Variants in ATP9B observed in about 807,000 individuals in gnomAD.
ATP9B encodes probable phospholipid-transporting ATPase IIB.
ATP9B carries 110 observed loss-of-function variants against 146.1 expected under a neutral mutation model. The observed-to-expected ratio is 0.75, with a 90% CI of 0.65 to 0.88. ATP9B has a LOEUF of 0.88. Among genes scored for constraint, ATP9B ranks in the 40% least tolerant of loss-of-function variants. ATP9B has a pLI of 0.00. For synonymous variants in ATP9B, 604 were observed against 569.7 expected (o/e 1.06, Z -0.86); for missense variants, 1,499 against 1,496.4 (o/e 1.00, Z -0.03).
intron 1 of ATP9B, among the ~76,000 whole-genome samples, chr18:79,095,230 C>T (rs1311953741): frequency 6.6e-6 from 1 of 152,160 alleles, no homozygotes; most frequent in Non-Finnish European, 1.5e-5. Context: ...ATCCTTCTTC[C>T]CATGTGGACT....
chr18:79,148,149 A>G (rs2094622228), intron 6 of ATP9B, among the ~76,000 whole-genome samples: 1 of 152,200 alleles, frequency 6.6e-6, no homozygotes, highest in African/African-American at 2.4e-5. Flanking sequence ...CCTGTAGCCA[A>G]TAAAGAAGCT....
At chr18:79,176,716 A>G in intron 7 of ATP9B, 97 bp from the exon 8 acceptor site, 7 of 942,116 alleles carry the variant, frequency 7.4e-6, no homozygotes, top group South Asian at 4.2e-5. Flanking sequence ...TCTTTGTCCT[A>G]CTGTGCCCTG....
Position 79,298,358 on chromosome 18 carries a change from T to G in ATP9B, c.1412-5246T>G, listed in dbSNP as rs568441779. ...CTGAGATGAAAAGTACGGTGCCGTT[T>G]ATAATTCCTTGAAAAAAGCGCGGTA... On this transcript the variant is annotated intron_variant, in intron 13 of 29. Transcript: ENST00000426216. Among the ~76,000 whole-genome samples, 114 of 146,398 alleles carry G rather than the reference T, an allele frequency of 7.8e-4. 15 individuals are homozygous for G. Among genetic ancestry groups the G allele is most frequent in the African/African-American group, 2.5e-3 (101 of 39,886 alleles).
intron 13 of ATP9B, 84 bp from the exon 14 acceptor site, chr18:79,303,520 G>A (rs1231885930): frequency 9.5e-6 from 10 of 1,058,156 alleles, no homozygotes; most frequent in Non-Finnish European, 1.4e-5. Flanking sequence ...CCATGAATGT[G>A]CAGCATGCCT....
At chr18:79,258,152 C>T (rs1006028338) in intron 12 of ATP9B, among the ~76,000 whole-genome samples, 8 of 152,110 alleles carry the variant, frequency 5.3e-5, no homozygotes, top group African/African-American at 1.7e-4. Flanking sequence ...TTTCATACCT[C>T]AGTAATTATA....
intron 1 of ATP9B, among the ~76,000 whole-genome samples, chr18:79,077,027 C>G (rs746630654): frequency 1.3e-5 from 2 of 152,086 alleles, no homozygotes; most frequent in Non-Finnish European, 2.9e-5. Context: ...TGTTTCAAGT[C>G]TGTTCATAAT....
intron 14 of ATP9B, among the ~76,000 whole-genome samples, chr18:79,305,085 C>T (rs1001012375): frequency 3.3e-5 from 5 of 152,332 alleles, no homozygotes; most frequent in African/African-American, 9.6e-5. Flanking sequence ...CAGTTCCCAG[C>T]GCTGCATGGC....
intron 10 of ATP9B, 37 bp downstream of exon 10, chr18:79,207,049 C>T (rs757491511): frequency 3.1e-5 from 49 of 1,577,260 alleles, no homozygotes; most frequent in South Asian, 2.0e-4. Flanking sequence ...TGATTGCTCC[C>T]GGATAGATGA....
chr18:79,144,786 TCC>T (rs1314852086), intron 6 of ATP9B: 5 of 151,348 alleles, frequency 3.3e-5, no homozygotes, highest in African/African-American at 4.9e-5. Flanking sequence ...CTTGGTTGAA[TCC>T]CCATCTATGG....
At position 79,126,325 on chromosome 18, in the gene ATP9B, A is replaced by T. The variant is rs138177421; in HGVS notation, c.617A>T (p.Gln206Leu). The T allele has an allele frequency of 2.0e-3, 3,197 of 1,612,128 alleles. 4 individuals carry two copies. The highest frequency in any genetic ancestry group is 2.5e-3 in the Non-Finnish European group (2,963 of 1,178,628). Residue 206 changes from glutamine to leucine, a missense_variant, in exon 5 of 30, where the codon CAG (glutamine) becomes CTG (leucine). Gln to Leu is a moderately radical substitution (Grantham distance 113). Transcript: ENST00000426216. ...GCAATTGATGAATTTCGGCGTTTTC[A>T]GCGTGACAAGGAAGTGAATTCACAA... ...REAIDEFRRF[Q>L]RDKEVNSQLY...
chr18:79,121,269 A>G (rs1192166412), intron 4 of ATP9B, among the ~76,000 whole-genome samples: 1 of 152,238 alleles, frequency 6.6e-6, no homozygotes, highest in African/African-American at 2.4e-5. Context: ...GGCTGTGGAC[A>G]AGCCACGTGA....
At chr18:79,295,166 G>T (rs1025438724) in intron 13 of ATP9B, among the ~76,000 whole-genome samples, 8 of 152,242 alleles carry the variant, frequency 5.3e-5, no homozygotes, top group African/African-American at 1.2e-4. Flanking sequence ...GGGATTTCTA[G>T]TGTGTATTCC....
intron 8 of ATP9B, among the ~76,000 whole-genome samples, chr18:79,192,439 A>G (rs1248387073): frequency 6.6e-6 from 1 of 152,192 alleles, no homozygotes; most frequent in Non-Finnish European, 1.5e-5. Flanking sequence ...GATTTATGAC[A>G]GCAAAAGCAT....
At chr18:79,301,070 T>C (rs1343529069) in intron 13 of ATP9B, among the ~76,000 whole-genome samples, 2 of 152,242 alleles carry the variant, frequency 1.3e-5, no homozygotes, top group East Asian at 3.8e-4. Context: ...AGAGAGCTGC[T>C]TACTTGGGCA....
chr18:79,148,943 A>T (rs1251488102), intron 6 of ATP9B, among the ~76,000 whole-genome samples: 2 of 152,244 alleles, frequency 1.3e-5, no homozygotes, highest in Non-Finnish European at 2.9e-5. Flanking sequence ...CACAGAAATT[A>T]AAAATGCAGT....
intron 1 of ATP9B, among the ~76,000 whole-genome samples, chr18:79,073,767 A>G (rs979040902): frequency 1.3e-5 from 2 of 152,134 alleles, no homozygotes; most frequent in Admixed American, 1.3e-4. Flanking sequence ...TATTTCTGTT[A>G]TTGTATTTCT....
At chr18:79,262,966 TTA>T (rs1409406743) in intron 12 of ATP9B, among the ~76,000 whole-genome samples, 1 of 152,242 alleles carries the variant, frequency 6.6e-6, no homozygotes. Flanking sequence ...TTTAAAAAAA[TTA>T]TAGTTAACAA....
intron 2 of ATP9B, among the ~76,000 whole-genome samples, chr18:79,102,562 C>T (rs1341113847): frequency 6.6e-6 from 1 of 152,162 alleles, no homozygotes; most frequent in Non-Finnish European, 1.5e-5. Flanking sequence ...AAAATCTTAA[C>T]ATGGGTAGGC....
chr18:79,376,128 C>T (rs1444302089), intron 29 of ATP9B: 6 of 981,208 alleles, frequency 6.1e-6, no homozygotes, highest in Non-Finnish European at 7.2e-6. Context: ...TGCCAGCTGC[C>T]CTCTGTTGCC....
Sources: allele counts gnomAD v4.1 joint callset (sites outside exome capture counted in the v4.1 genomes callset), GRCh38; gene constraint gnomAD v4.1.1; transcripts MANE v1.5; gene names NCBI Gene and HGNC (gene_info 2026-07-23, HGNC 2026-07-21).